Variants in NEO1 observed in about 807,000 individuals in gnomAD.
NEO1 encodes neogenin.
In NEO1, 63 loss-of-function variants were observed where a neutral mutation model predicts 159.7. The observed-to-expected ratio is 0.39, with a 90% confidence interval of 0.32 to 0.49. The LOEUF is 0.49. Among genes scored for constraint, NEO1 ranks in the 20% least tolerant of loss-of-function variants. The probability of loss-of-function intolerance (pLI) is 0.85; values close to 1 mark genes in which losing one functional copy is unlikely to be tolerated. For missense variants in NEO1, 1,615 were observed against 1,831.0 expected, an observed-to-expected ratio of 0.88 and a Z score of 2.15; for synonymous variants, 633 against 662.0, an observed-to-expected ratio of 0.96 and a Z score of 0.67.
chr15:73,257,189 T>C (rs1280784551), intron 13 of NEO1, among the ~76,000 whole-genome samples: 3 of 140,726 alleles, frequency 2.1e-5, no homozygotes, highest in African/African-American at 7.7e-5. Flanking sequence ...ATAAATAACA[T>C]TTGCCATTTG....
At chr15:73,128,732 G>A (rs569151077) in intron 4 of NEO1, among the ~76,000 whole-genome samples, 1 of 152,332 alleles carries the variant, frequency 6.6e-6, no homozygotes, top group East Asian at 1.9e-4. Context: ...TATACAACGT[G>A]TTAGATAATT....
chr15:73,238,022 G>C (rs953581859), intron 8 of NEO1, among the ~76,000 whole-genome samples: 1 of 152,048 alleles, frequency 6.6e-6, no homozygotes, highest in Non-Finnish European at 1.5e-5. Flanking sequence ...TAGCCCCTCG[G>C]TGACTGTCAC....
chr15:73,301,354 C>T lies in NEO1; in HGVS notation c.4199C>T (p.Ala1400Val). ...CATCACATTCACTCAGTGAAGACAG[C>T]CTCCATCGGGACTCTAGGAAGGAGC... is the stretch of plus-strand genomic sequence containing the variant. Reference protein sequence around the residue: ...LNHHIHSVKTASIGTLGRSRP... With the variant: ...LNHHIHSVKTVSIGTLGRSRP... The change falls in exon 28 of 29, where the codon GCC becomes GTC. Residue 1400 changes from alanine to valine, a missense_variant. Physicochemically the swap from Ala to Val is moderately conservative, Grantham distance 64. Coordinates refer to ENST00000261908, the MANE Select transcript of NEO1 (RefSeq NM_002499.4). 6.2e-7 allele frequency: 1 copy of T among 1,614,188 alleles called. No homozygotes were observed. Among genetic ancestry groups the T allele is most frequent in the Non-Finnish European group, 8.5e-7 (1 of 1,180,030 alleles).
chr15:73,198,987 T>C (rs2036699885), intron 7 of NEO1, among the ~76,000 whole-genome samples: 1 of 150,372 alleles, frequency 6.7e-6, no homozygotes, highest in East Asian at 1.9e-4. Flanking sequence ...AAGTTCAAAC[T>C]TTATTCAGAT....
chr15:73,123,018 A>T (rs144198094), intron 3 of NEO1, among the ~76,000 whole-genome samples: 1 of 152,080 alleles, frequency 6.6e-6, no homozygotes, highest in African/African-American at 2.4e-5. Flanking sequence ...TTAGCCAGAC[A>T]TGGTGGCAGG....
At chr15:73,066,612 A>G (rs1282030476) in intron 1 of NEO1, among the ~76,000 whole-genome samples, 3 of 152,178 alleles carry the variant, frequency 2.0e-5, no homozygotes, top group African/African-American at 4.8e-5. Context: ...GTCTCCTACC[A>G]CATTACATAG....
chr15:73,052,614 G>A lies in NEO1; in HGVS notation c.-62G>A. 9.3e-7 allele frequency: 1 copy of A among 1,073,802 alleles called. No individual in the cohort carries two copies. The highest frequency in any genetic ancestry group is 1.2e-6 in the Non-Finnish European group (1 of 859,014). The allele number at this position is 1,073,802 out of a possible 1,614,324, so 66.5% of individuals were successfully genotyped here. Reference sequence around the variant, plus strand: ...GAGGGACCGGCTGAGGCGCGCGGGAGGGAAGGAGGCAAGGGCTCCGCGGCG... The same window carrying A: ...GAGGGACCGGCTGAGGCGCGCGGGAAGGAAGGAGGCAAGGGCTCCGCGGCG... On this transcript the variant is annotated 5_prime_UTR_variant, in exon 1 of 29. Transcript: ENST00000261908.
intron 1 of NEO1, among the ~76,000 whole-genome samples, chr15:73,070,631 A>T (rs552655416): frequency 6.6e-6 from 1 of 152,274 alleles, no homozygotes; most frequent in South Asian, 2.1e-4. Context: ...ACGCCTTGAA[A>T]CCATGGATAG....
At chr15:73,052,447 C>G (rs1273333241), upstream of NEO1, 3 of 135,764 alleles carry the variant, frequency 2.2e-5, no homozygotes, top group Non-Finnish European at 3.2e-5. Context: ...TACTGACTCC[C>G]CTTCTTCGCT....
chr15:73,122,835 T>G (rs762759755), intron 3 of NEO1, 35 bp downstream of exon 3: 3 of 1,606,386 alleles, frequency 1.9e-6, no homozygotes, highest in South Asian at 2.2e-5. Context: ...TGGTTTTATG[T>G]TTATGAATGG....
In NEO1 at chr15:73,052,619, G is replaced by C; in HGVS notation, c.-57G>C. Reference sequence around the variant, plus strand: ...ACCGGCTGAGGCGCGCGGGAGGGAAGGAGGCAAGGGCTCCGCGGCGCTGTC... The same window carrying C: ...ACCGGCTGAGGCGCGCGGGAGGGAACGAGGCAAGGGCTCCGCGGCGCTGTC... On this transcript the variant is annotated 5_prime_UTR_variant, in exon 1 of 29. Transcript: ENST00000261908. 2 of 1,105,976 alleles carry C rather than the reference G, an allele frequency of 1.8e-6. No individual in the cohort carries two copies. Among genetic ancestry groups the C allele is most frequent in the South Asian group, 5.8e-5 (2 of 34,294 alleles). The allele number at this position is 1,105,976 out of a possible 1,614,324, so 68.5% of individuals were successfully genotyped here.
intron 8 of NEO1, among the ~76,000 whole-genome samples, chr15:73,238,211 C>T (rs2039291925): frequency 6.7e-6 from 1 of 150,168 alleles, no homozygotes; most frequent in South Asian, 2.1e-4. Flanking sequence ...ACTGCTGTCA[C>T]ATCACCCTAT....
intron 7 of NEO1, among the ~76,000 whole-genome samples, chr15:73,204,262 T>C (rs77511959): frequency 0.022 from 3,401 of 152,172 alleles, 120 homozygotes; most frequent in African/African-American, 0.076. Flanking sequence ...GCTTTGTCTT[T>C]GGTTTTCTGC....
chr15:73,150,516 A>C (rs918320317), intron 5 of NEO1, among the ~76,000 whole-genome samples: 1 of 152,212 alleles, frequency 6.6e-6, no homozygotes, highest in East Asian at 1.9e-4. Context: ...TCAAATATCT[A>C]TCATTATATT....
At chr15:73,222,990 C>T (rs2038377914) in intron 7 of NEO1, among the ~76,000 whole-genome samples, 1 of 152,146 alleles carries the variant, frequency 6.6e-6, no homozygotes. Context: ...TATTGTCATT[C>T]AGTTTGAAGA....
rs974098658 is a variant in NEO1 at position 73,262,020 on chromosome 15, G to A, written c.2398+1555G>A. On this transcript the variant is annotated intron_variant, in intron 15 of 28. Transcript: ENST00000261908. ...AAAGCTGCTTAGATAATTTAGTGGGGAGAAGACAGTCTTTTTAACAAAAGT... is the reference window on the plus strand; with the variant it reads ...AAAGCTGCTTAGATAATTTAGTGGGAAGAAGACAGTCTTTTTAACAAAAGT... Among the ~76,000 whole-genome samples, 4 of 152,226 alleles carry A rather than the reference G, an allele frequency of 2.6e-5. No homozygotes were observed. The South Asian group carries it at 8.3e-4, about 32-fold the overall frequency.
At chr15:73,120,631 CTT>C (rs11462324) in intron 2 of NEO1, among the ~76,000 whole-genome samples, 3 of 143,604 alleles carry the variant, frequency 2.1e-5, no homozygotes. Flanking sequence ...ATTTTAAGTA[CTT>C]TTTTTTTTTT....
chr15:73,117,992 A>C (rs1320759764), intron 2 of NEO1, among the ~76,000 whole-genome samples: 1 of 151,210 alleles, frequency 6.6e-6, no homozygotes, highest in Non-Finnish European at 1.5e-5. Context: ...TTTCTCCAAC[A>C]TGTTTCATAA....
intron 3 of NEO1, among the ~76,000 whole-genome samples, chr15:73,125,129 G>A (rs1170668538): frequency 3.3e-5 from 5 of 152,276 alleles, no homozygotes; most frequent in African/African-American, 1.2e-4. Context: ...CATCTGAAAC[G>A]AAAACATAAT....
Sources: allele counts gnomAD v4.1 joint callset (sites outside exome capture counted in the v4.1 genomes callset), GRCh38; gene constraint gnomAD v4.1.1; transcripts MANE v1.5; gene names NCBI Gene and HGNC (gene_info 2026-07-23, HGNC 2026-07-21).